PHLPP2: variants seen among roughly 807,000 people sequenced by gnomAD.
PHLPP2 encodes PH domain leucine-rich repeat-containing protein phosphatase 2.
PHLPP2 carries 66 observed loss-of-function variants against 124.9 expected under a neutral mutation model. That is an observed-to-expected ratio of 0.53 (90% CI 0.43 to 0.65). The LOEUF (loss-of-function observed/expected upper bound fraction) is 0.65, where lower values mean the gene tolerates loss of function less well. Among genes scored for constraint, PHLPP2 ranks in the 30% least tolerant of loss-of-function variants. The pLI, the probability that PHLPP2 is intolerant of heterozygous loss-of-function variation, is 0.00. For missense variants in PHLPP2, 1,685 were observed against 1,600.4 expected (o/e 1.05, Z -0.90); for synonymous variants, 681 against 624.7 (o/e 1.09, Z -1.34).
chr16:71,656,088 T>A (rs540602309), intron 16 of PHLPP2, among the ~76,000 whole-genome samples: 1 of 148,496 alleles, frequency 6.7e-6, no homozygotes, highest in Non-Finnish European at 1.5e-5. Flanking sequence ...TTGAGTTTAT[T>A]ACCCCTTATA....
intron 16 of PHLPP2, among the ~76,000 whole-genome samples, chr16:71,656,349 C>A (rs2044741658): frequency 6.6e-6 from 1 of 152,120 alleles, no homozygotes; most frequent in South Asian, 2.1e-4. Context: ...CCCATCTTAG[C>A]CATGAAAGGG....
intron 4 of PHLPP2, among the ~76,000 whole-genome samples, chr16:71,687,474 G>A (rs1264789257): frequency 6.6e-6 from 1 of 152,104 alleles, no homozygotes; most frequent in East Asian, 1.9e-4. Flanking sequence ...ACAGCAAATA[G>A]TATTTAAAAT....
chr16:71,666,908 T>C (rs1014288716), intron 12 of PHLPP2, among the ~76,000 whole-genome samples: 2 of 152,242 alleles, frequency 1.3e-5, no homozygotes, highest in African/African-American at 4.8e-5. Flanking sequence ...TTTTCAGAGA[T>C]GAAAGCCTGA....
At chr16:71,689,846 A>G (rs1485214436) in intron 4 of PHLPP2, among the ~76,000 whole-genome samples, 1 of 152,058 alleles carries the variant, frequency 6.6e-6, no homozygotes, top group Non-Finnish European at 1.5e-5. Flanking sequence ...TATTCTATCA[A>G]TATTGCTGTG....
chr16:71,653,312 C>G (rs1461145306), intron 17 of PHLPP2, among the ~76,000 whole-genome samples: 1 of 152,022 alleles, frequency 6.6e-6, no homozygotes, highest in Non-Finnish European at 1.5e-5. Flanking sequence ...CAGGGGCTCT[C>G]AAACTTTAAC....
intron 8 of PHLPP2, chr16:71,677,600 ATCTC>A (rs2044959462): frequency 6.6e-6 from 1 of 150,694 alleles, no homozygotes; most frequent in Non-Finnish European, 1.5e-5. Flanking sequence ...ATTTCTATAA[ATCTC>A]TCTCTTAAGT....
At chr16:71,700,161 C>G (rs996446150) in intron 3 of PHLPP2, among the ~76,000 whole-genome samples, 2 of 152,126 alleles carry the variant, frequency 1.3e-5, no homozygotes, top group Non-Finnish European at 2.9e-5. Flanking sequence ...CTTTAGGAGG[C>G]CAAGATAGGA....
chr16:71,685,646 G>C (rs1215510009), intron 4 of PHLPP2, among the ~76,000 whole-genome samples: 2 of 152,154 alleles, frequency 1.3e-5, no homozygotes, highest in Non-Finnish European at 2.9e-5. Context: ...CATTGCAACT[G>C]AATGAGTCTG....
At position 71,652,706 on chromosome 16, in the gene PHLPP2, A is replaced by G. The variant is rs1351981506; in HGVS notation, c.2817+84T>C. 3.2e-6 allele frequency: 3 copies of G among 951,120 alleles called. No individual in the cohort carries two copies. The African/African-American group carries it at 4.8e-5, about 15-fold the overall frequency. 58.9% of individuals were successfully genotyped at this position (951,120 alleles called of 1,614,324 possible). On this transcript the variant is annotated intron_variant, in intron 18 of 18. Coordinates refer to ENST00000568954, the MANE Select transcript of PHLPP2 (RefSeq NM_015020.3). ...ATACAATTTACAGGGCATGATAGGA[A>G]GAAAATGGGCCTTCATCACCTCTAC...
rs549009293 is a variant in PHLPP2 at position 71,653,870 on chromosome 16, G to A, written c.2586-849C>T. ...ATAAAACTAATTCAAGCCCATCCTG[G>A]CTAACACGGTGAAACCCCATCCCTA... On this transcript the variant is annotated intron_variant, in intron 17 of 18. Transcript: ENST00000568954. Among the ~76,000 whole-genome samples the A allele has an allele frequency of 4.1e-4, 62 of 152,176 alleles. 1 individual carries two copies. Among genetic ancestry groups the A allele is most frequent in the African/African-American group, 1.3e-3 (56 of 41,522 alleles).
intron 8 of PHLPP2, chr16:71,676,876 G>C (rs1291379264): frequency 8.3e-6 from 4 of 479,788 alleles, no homozygotes; most frequent in African/African-American, 7.9e-5. Flanking sequence ...AGCCTCCCAA[G>C]TTGCTGGGAT....
chr16:71,682,864 C>T (rs1844498269), intron 5 of PHLPP2, among the ~76,000 whole-genome samples: 1 of 151,986 alleles, frequency 6.6e-6, no homozygotes, highest in African/African-American at 2.4e-5. Context: ...AAAAAAGAAA[C>T]AATATATCAC....
intron 3 of PHLPP2, among the ~76,000 whole-genome samples, chr16:71,698,408 G>A (rs1270404651): frequency 6.6e-6 from 1 of 152,182 alleles, no homozygotes; most frequent in East Asian, 1.9e-4. Context: ...TCAATCATGT[G>A]CTCCTTGTTA....
chr16:71,672,422 AACTGATGT>A (rs2044903187), intron 9 of PHLPP2, 100 bp from the exon 10 acceptor site: 2 of 834,444 alleles, frequency 2.4e-6, no homozygotes, highest in Non-Finnish European at 4.0e-6. Context: ...CCAGAGAGAA[AACTGATGT>A]ATTCTACCAA....
In PHLPP2 at chr16:71,648,006, T is replaced by C. The variant is rs557222841; in HGVS notation, c.*884A>G. Reference sequence around the variant, plus strand: ...TCAAAAATAAAAAGTTCACAGTCAATGAAAAGTGCTCTCATTACATTACAT... The same window carrying C: ...TCAAAAATAAAAAGTTCACAGTCAACGAAAAGTGCTCTCATTACATTACAT... On this transcript the variant is annotated 3_prime_UTR_variant, in exon 19 of 19. Coordinates refer to ENST00000568954, the MANE Select transcript of PHLPP2 (RefSeq NM_015020.3). 1 of 152,660 alleles carries C rather than the reference T, an allele frequency of 6.6e-6. No individual in the cohort carries two copies. Among genetic ancestry groups the C allele is most frequent in the Non-Finnish European group, 1.5e-5 (1 of 68,048 alleles). 9.5% of individuals were successfully genotyped at this position (152,660 alleles called of 1,614,324 possible).
intron 2 of PHLPP2, 43 bp from the exon 3 acceptor site, chr16:71,702,774 TA>T: frequency 2.9e-6 from 4 of 1,371,740 alleles, no homozygotes. Context: ...TGGTAAGTAA[TA>T]AAAATGGTTC....
At chr16:71,701,762 G>GT (rs11406840) in intron 3 of PHLPP2, among the ~76,000 whole-genome samples, 133,305 of 152,152 alleles carry the variant, frequency 0.88, 58,567 homozygotes, top group East Asian at 0.99. Context: ...CTGAAAATAG[G>GT]AAGTAAAGTA....
chr16:71,688,352 T>C (rs150744756), intron 4 of PHLPP2, among the ~76,000 whole-genome samples: 1 of 152,350 alleles, frequency 6.6e-6, no homozygotes, highest in East Asian at 1.9e-4. Context: ...TTGTCTGATC[T>C]AGAGTTTAAC....
chr16:71,667,275 G>T lies in PHLPP2; in HGVS notation c.1687C>A (p.Leu563Ile). The T allele has an allele frequency of 6.2e-7, 1 of 1,613,578 alleles. No homozygotes were observed. Among genetic ancestry groups the T allele is most frequent in the South Asian group, 1.1e-5 (1 of 90,986 alleles). The part of the protein sequence containing the change: ...LMLGHNHVQN[L>I]PTLVEHIPLE... ...GGGATGTGCTCTACCAGTGTTGGAA[G>T]GTTTTGCACATGATTGTGTCCCAGC... Residue 563 changes from leucine (L) to isoleucine (I), a missense_variant, in exon 12 of 19, where the codon CTT becomes ATT. Leu to Ile is a conservative substitution (Grantham distance 5). Coordinates refer to ENST00000568954, the MANE Select transcript of PHLPP2 (RefSeq NM_015020.3).
Sources: gnomAD v4.1 joint callset for allele counts (sites outside exome capture counted in the v4.1 genomes callset) on GRCh38, gnomAD v4.1.1 for gene constraint, MANE v1.5 for transcripts, NCBI Gene and HGNC (gene_info 2026-07-23, HGNC 2026-07-21) for gene names.